PTBP2: variants seen among roughly 807,000 people sequenced by gnomAD.
The protein encoded by PTBP2 is polypyrimidine tract binding protein 2.
A neutral mutation model predicts 61.4 loss-of-function variants in PTBP2; 13 were observed. The observed-to-expected ratio is 0.21, with a 90% CI of 0.14 to 0.34. The LOEUF (loss-of-function observed/expected upper bound fraction) is 0.34. Among genes scored for constraint, PTBP2 ranks in the 10% least tolerant of loss-of-function variants. PTBP2 has a pLI of 1.00. For synonymous variants in PTBP2, 215 were observed against 218.5 expected (o/e 0.98, Z 0.14); for missense variants, 405 against 642.6 (o/e 0.63, Z 4.00).
chr1:96,765,746 A>AGATAGATAGATG (rs1292764871), intron 3 of PTBP2, among the ~76,000 whole-genome samples: 1 of 151,278 alleles, frequency 6.6e-6, no homozygotes, highest in Non-Finnish European at 1.5e-5. Context: ...ATAGATAGAT[A>AGATAGATAGATG]GATACTGTGA....
chr1:96,797,828 G>T (rs1025727998), intron 8 of PTBP2, among the ~76,000 whole-genome samples: 1 of 152,170 alleles, frequency 6.6e-6, no homozygotes, highest in Non-Finnish European at 1.5e-5. Flanking sequence ...CTATACATTT[G>T]CAGTACACCA....
At position 96,810,932 on chromosome 1, in the gene PTBP2, A is replaced by G. The variant is rs1162552732; in HGVS notation, c.1172-1780A>G. Reference sequence around the variant, plus strand: ...AAGTATGTGAAATGCAGTGTGAGAAACAAATGAGAAAATTCAGACTTGTGA... The same window carrying G: ...AAGTATGTGAAATGCAGTGTGAGAAGCAAATGAGAAAATTCAGACTTGTGA... On this transcript the variant is annotated intron_variant, in intron 11 of 13. Coordinates refer to ENST00000674951, the MANE Select transcript of PTBP2 (RefSeq NM_021190.4). Among the ~76,000 whole-genome samples the G allele has an allele frequency of 3.9e-5, 6 of 152,332 alleles. No homozygotes were observed. In the East Asian group the frequency reaches 9.6e-4, roughly 24 times the overall value.
intron 8 of PTBP2, among the ~76,000 whole-genome samples, chr1:96,792,679 A>C (rs182895457): frequency 1.2e-3 from 182 of 151,918 alleles, no homozygotes; most frequent in African/African-American, 4.4e-3. Context: ...AATACCAAAA[A>C]TGTGTATTGT....
At chr1:96,735,812 T>C (rs546339024) in intron 2 of PTBP2, among the ~76,000 whole-genome samples, 3 of 152,284 alleles carry the variant, frequency 2.0e-5, no homozygotes, top group Admixed American at 6.5e-5. Flanking sequence ...AAATTAAAGA[T>C]TGCAGAAAGG....
chr1:96,809,933 A>G (rs979492997), intron 11 of PTBP2, among the ~76,000 whole-genome samples: 1 of 152,178 alleles, frequency 6.6e-6, no homozygotes, highest in Non-Finnish European at 1.5e-5. Context: ...AGAGAAAAAA[A>G]CATGCCACAA....
intron 8 of PTBP2, among the ~76,000 whole-genome samples, chr1:96,797,226 G>A (rs1041681474): frequency 1.3e-5 from 2 of 152,200 alleles, no homozygotes; most frequent in Non-Finnish European, 2.9e-5. Flanking sequence ...GTGAGGTAGA[G>A]TGGCACATGA....
At chr1:96,774,656 C>G (rs889927430) in intron 5 of PTBP2, among the ~76,000 whole-genome samples, 5 of 152,182 alleles carry the variant, frequency 3.3e-5, no homozygotes, top group Admixed American at 3.3e-4. Flanking sequence ...ACACACTCAC[C>G]TGTTGGCTAT....
chr1:96,769,589 C>T, intron 3 of PTBP2, 114 bp from the exon 4 acceptor site: 2 of 690,558 alleles, frequency 2.9e-6, no homozygotes, highest in Admixed American at 3.6e-5. Context: ...TTTAAGTATT[C>T]TCAGCTATGT....
intron 5 of PTBP2, among the ~76,000 whole-genome samples, chr1:96,776,377 A>T (rs998863546): frequency 1.3e-5 from 2 of 152,152 alleles, no homozygotes; most frequent in Admixed American, 1.3e-4. Context: ...ATCACATTTC[A>T]AAATGTTGAG....
chr1:96,801,962 A>G (rs1661040692), intron 8 of PTBP2, among the ~76,000 whole-genome samples: 1 of 151,914 alleles, frequency 6.6e-6, no homozygotes. Context: ...CTGTAATCCT[A>G]GCACTTTGGG....
At chr1:96,767,470 T>C (rs1381345781) in intron 3 of PTBP2, among the ~76,000 whole-genome samples, 2 of 152,236 alleles carry the variant, frequency 1.3e-5, no homozygotes, top group Middle Eastern at 3.4e-3. Context: ...ATACCATAAC[T>C]ATAACACATG....
Position 96,813,496 on chromosome 1 carries a change from T to G in PTBP2, c.*91T>G. The G allele has an allele frequency of 1.6e-6, 2 of 1,285,314 alleles. No homozygotes were observed. The highest frequency in any genetic ancestry group is 1.6e-5 in the African/African-American group (1 of 63,880). The allele number at this position is 1,285,314 out of a possible 1,614,324, so 79.6% of individuals were successfully genotyped here. A position where few individuals can be genotyped will look rare whatever the true frequency, so the allele number is the denominator to read the frequency against. On this transcript the variant is annotated 3_prime_UTR_variant, in exon 14 of 14. Transcript: ENST00000674951. Reference sequence around the variant, plus strand: ...GAAAAGTGGGGACCAGAGTTTGATTTTTTTTGTTTTTGTTTTTTTGGGGTT... The same window carrying G: ...GAAAAGTGGGGACCAGAGTTTGATTGTTTTTGTTTTTGTTTTTTTGGGGTT...
At chr1:96,788,875 G>A (rs1211067045) in intron 8 of PTBP2, among the ~76,000 whole-genome samples, 4 of 151,980 alleles carry the variant, frequency 2.6e-5, no homozygotes, top group Non-Finnish European at 4.4e-5. Context: ...CTCAGAAAAT[G>A]TAATTTGTTC....
intron 7 of PTBP2, among the ~76,000 whole-genome samples, chr1:96,779,464 T>C (rs1242186267): frequency 2.6e-5 from 4 of 152,246 alleles, no homozygotes; most frequent in African/African-American, 9.6e-5. Context: ...GAAAATTGTT[T>C]ATATGTGTAT....
intron 8 of PTBP2, among the ~76,000 whole-genome samples, chr1:96,800,023 G>T (rs1660812324): frequency 6.6e-6 from 1 of 152,178 alleles, no homozygotes; most frequent in Non-Finnish European, 1.5e-5. Context: ...TAAGTTATCA[G>T]CCGCGGGGAG....
chr1:96,790,098 C>T (rs567161259), intron 8 of PTBP2, among the ~76,000 whole-genome samples: 1 of 152,246 alleles, frequency 6.6e-6, no homozygotes, highest in Admixed American at 6.5e-5. Context: ...CCTCTCTCTA[C>T]TCCCAATCTC....
At chr1:96,807,914 G>C (rs978272762) in intron 11 of PTBP2, among the ~76,000 whole-genome samples, 45 of 152,150 alleles carry the variant, frequency 3.0e-4, no homozygotes, top group African/African-American at 1.0e-3. Context: ...AAGATACTTA[G>C]TACATATTTT....
chr1:96,794,355 G>A (rs902538024), intron 8 of PTBP2, among the ~76,000 whole-genome samples: 1 of 152,170 alleles, frequency 6.6e-6, no homozygotes. Context: ...ACAAATATAT[G>A]TTGTATGGCT....
At chr1:96,757,198 C>T (rs1260175634) in intron 3 of PTBP2, among the ~76,000 whole-genome samples, 1 of 152,084 alleles carries the variant, frequency 6.6e-6, no homozygotes, top group Non-Finnish European at 1.5e-5. Flanking sequence ...AAAGCAAGGC[C>T]TAACTACACT....
Sources: allele counts gnomAD v4.1 joint callset (sites outside exome capture counted in the v4.1 genomes callset), GRCh38; gene constraint gnomAD v4.1.1; transcripts MANE v1.5; gene names NCBI Gene and HGNC (gene_info 2026-07-23, HGNC 2026-07-21).